COL1A1: variants seen among roughly 807,000 people sequenced by gnomAD.
COL1A1 encodes collagen alpha-1(I) chain.
In COL1A1, 21 loss-of-function variants were observed where a neutral mutation model predicts 195.7. The observed-to-expected ratio is 0.11, with a 90% CI of 0.08 to 0.15. The LOEUF is 0.15. COL1A1 is among the 10% of genes least tolerant of loss of function. The pLI, the probability that COL1A1 is intolerant of heterozygous loss-of-function variation, is 1.00. For missense variants in COL1A1, 1,365 were observed against 2,051.0 expected, an observed-to-expected ratio of 0.67 and a Z score of 6.46; for synonymous variants, 749 against 747.3, an observed-to-expected ratio of 1.00 and a Z score of -0.04.
At chr17:50,185,687 C>T (rs1394777439) in intron 50 of COL1A1, 39 bp from the exon 51 acceptor site, 6 of 1,612,152 alleles carry the variant, frequency 3.7e-6, no homozygotes, top group South Asian at 2.2e-5. Flanking sequence ...GGCATTACCA[C>T]GTGGGAGTGA....
In COL1A1 at chr17:50,201,629, T is replaced by C; in HGVS notation, c.-116A>G. On this transcript the variant is annotated 5_prime_UTR_variant, in exon 1 of 51. Transcript: ENST00000225964. The stretch of plus-strand genomic sequence containing the variant: ...CCGACCCCGAGGAGAAACTCCCGTC[T>C]GCTCCGACGACTGGCCCGGGCCCCT... The C allele has an allele frequency of 1.1e-6, 1 of 875,464 alleles. No individual in the cohort carries two copies. Among genetic ancestry groups the C allele is most frequent in the Non-Finnish European group, 1.7e-6 (1 of 579,930 alleles). 54.2% of individuals were successfully genotyped at this position (875,464 alleles called of 1,614,324 possible). A position where few individuals can be genotyped will look rare whatever the true frequency, so the allele number is the denominator to read the frequency against.
At position 50,185,479 on chromosome 17, in the gene COL1A1, A is replaced by G. The variant is rs1906410280; in HGVS notation, c.*23T>C. On this transcript the variant is annotated 3_prime_UTR_variant, in exon 51 of 51. Coordinates refer to ENST00000225964, the MANE Select transcript of COL1A1 (RefSeq NM_000088.4). ...GGGGAAAGTTGGTTGGGTGGGAGGGAGCCAGGTTGGGATGGAGGGAGTTTA... is the reference window on the plus strand; with the variant it reads ...GGGGAAAGTTGGTTGGGTGGGAGGGGGCCAGGTTGGGATGGAGGGAGTTTA... 6.2e-7 allele frequency: 1 copy of G among 1,612,734 alleles called. No homozygotes were observed. Among genetic ancestry groups the G allele is most frequent in the African/African-American group, 1.3e-5 (1 of 74,490 alleles).
intron 9 of COL1A1, 151 bp from the exon 10 acceptor site, chr17:50,197,384 A>G (rs914512815): frequency 8.8e-6 from 7 of 794,270 alleles, no homozygotes; most frequent in African/African-American, 5.2e-5. Context: ...CTCAGTTTAA[A>G]TCTACAGTGA....
At chr17:50,196,287 A>T in intron 14 of COL1A1, 27 bp downstream of exon 14, 2 of 1,608,572 alleles carry the variant, frequency 1.2e-6, no homozygotes, top group African/African-American at 1.3e-5. Flanking sequence ...GAGCTCAGGG[A>T]TCCCCCAAGG....
intron 27 of COL1A1, 48 bp from the exon 28 acceptor site, chr17:50,192,741 G>A (rs1420277621): frequency 6.2e-7 from 1 of 1,613,864 alleles, no homozygotes; most frequent in Admixed American, 1.7e-5. Context: ...GGAGACGAGG[G>A]GCTGAGGGTG....
In COL1A1 at chr17:50,190,398, A is replaced by T; in HGVS notation, c.2398-18T>A. The T allele has an allele frequency of 1.2e-6, 2 of 1,609,924 alleles. No homozygotes were observed. Among genetic ancestry groups the T allele is most frequent in the South Asian group, 2.2e-5 (2 of 90,986 alleles). On this transcript the variant is annotated intron_variant, in intron 34 of 50. Transcript: ENST00000225964. The surrounding 1 kb of genome is among the most constrained non-coding windows in gnomAD (Gnocchi z 4.7). ...CGGTCTCCCTAGAAGAAAAGGAGTC[A>T]GATTGGAGAGATGCGCTGACAGGAG...
intron 25 of COL1A1, 136 bp downstream of exon 25, chr17:50,193,807 G>A (rs1907315279): frequency 6.3e-6 from 5 of 798,132 alleles, no homozygotes; most frequent in Non-Finnish European, 2.2e-6. Flanking sequence ...TACAGATAGG[G>A]AGGCTGAGGT....
chr17:50,190,713 A>C lies in COL1A1; in HGVS notation c.2343+104T>G. 3 of 1,484,936 alleles carry C rather than the reference A, an allele frequency of 2.0e-6. No homozygotes were observed. Among genetic ancestry groups the C allele is most frequent in the Non-Finnish European group, 2.8e-6 (3 of 1,067,752 alleles). 92.0% of individuals were successfully genotyped at this position (1,484,936 alleles called of 1,614,324 possible). A position where few individuals can be genotyped will look rare whatever the true frequency, so the allele number is the denominator to read the frequency against. On this transcript the variant is annotated intron_variant, in intron 33 of 50. Transcript: ENST00000225964. The surrounding 1 kb of genome is among the most constrained non-coding windows in gnomAD (Gnocchi z 4.7). The stretch of plus-strand genomic sequence containing the variant: ...CTCCAGGTTCCCAGGTTGACAGCTC[A>C]GTTTGGCAGGACCTGCTCTCCCAAC...
Position 50,198,210 on chromosome 17 carries a change from A to G in COL1A1, c.544-5T>C, listed in dbSNP as rs1598300378. On this transcript the variant is annotated splice_polypyrimidine_tract_variant and splice_region_variant and intron_variant, in intron 6 of 50. Transcript: ENST00000225964. ...ACCACGAGGACCAGAGGGACCCTATAGAGGGAGAAGAAAGGGGGGTCATGG... is the reference window on the plus strand; with the variant it reads ...ACCACGAGGACCAGAGGGACCCTATGGAGGGAGAAGAAAGGGGGGTCATGG... The G allele has an allele frequency of 1.2e-6, 2 of 1,614,002 alleles. No individual in the cohort carries two copies. Among genetic ancestry groups the G allele is most frequent in the Non-Finnish European group, 1.7e-6 (2 of 1,179,948 alleles).
At position 50,197,344 on chromosome 17, in the gene COL1A1, G is replaced by A. The variant is rs1907686225; in HGVS notation, c.697-111C>T. The A allele has an allele frequency of 1.3e-5, 14 of 1,097,088 alleles. No individual in the cohort carries two copies. The Admixed American group carries it at 2.0e-4, about 16-fold the overall frequency. The allele number at this position is 1,097,088 out of a possible 1,614,324, so 68.0% of individuals were successfully genotyped here. A position where few individuals can be genotyped will look rare whatever the true frequency, so the allele number is the denominator to read the frequency against. The stretch of plus-strand genomic sequence containing the variant: ...TTGGATTGTTGCAGGTCAGGTTTGG[G>A]GGCCCAGAATCTTATCTTTGAATCT... On this transcript the variant is annotated intron_variant, in intron 9 of 50. Transcript: ENST00000225964.
Position 50,195,277 on chromosome 17 carries a change from A to G in COL1A1, c.1254T>C (p.Ser418=), listed in dbSNP as rs1390241079. 1 of 1,613,444 alleles carries G rather than the reference A, an allele frequency of 6.2e-7. No homozygotes were observed. The highest frequency in any genetic ancestry group is 8.5e-7 in the Non-Finnish European group (1 of 1,179,766). ...GAGGGCCGCCGGGGCCCTGGGGTCC[A>G]GAGGGGCCTCGGGCACCAGGGAAGC... The part of the protein sequence containing the change: ...APGFPGARGP[S]GPQGPGGPPG... Residue 418 remains serine, a synonymous_variant, in exon 19 of 51, where the codon TCT becomes TCC. Coordinates refer to ENST00000225964, the MANE Select transcript of COL1A1 (RefSeq NM_000088.4). The surrounding 1 kb of genome is among the most constrained non-coding windows in gnomAD (Gnocchi z 4.3).
rs746453576 is a variant in COL1A1, at chr17:50,189,410, G to T, written c.2796C>A (p.Gly932=). 1 of 1,613,138 alleles carries T rather than the reference G, an allele frequency of 6.2e-7. No homozygotes were observed. The highest frequency in any genetic ancestry group is 1.7e-5 in the Admixed American group (1 of 59,966). Residue 932 remains glycine (G), a synonymous_variant, in exon 39 of 51, where the codon GGC becomes GGA. Coordinates refer to ENST00000225964, the MANE Select transcript of COL1A1 (RefSeq NM_000088.4). This position sits in a 1 kb window ranked among gnomAD's most constrained non-coding sequence, Gnocchi z 5.5. The part of the protein sequence containing the change: ...VGPPGPPGPA[G]EKGSPGADGP... ...CATCAGCACCAGGGGATCCTTTCTC[G>T]CCAGCAGGGCCAGGGGGACCAGGGG... is the stretch of plus-strand genomic sequence containing the variant.
chr17:50,185,413 G>C lies in COL1A1; in HGVS notation c.*89C>G. On this transcript the variant is annotated 3_prime_UTR_variant, in exon 51 of 51. Coordinates refer to ENST00000225964, the MANE Select transcript of COL1A1 (RefSeq NM_000088.4). Reference sequence around the variant, plus strand: ...AATTGTCTCCCATTTTTTGGCTTTTGAGGGGGTTCAGTTTGGGTTGCTTGT... The same window carrying C: ...AATTGTCTCCCATTTTTTGGCTTTTCAGGGGGTTCAGTTTGGGTTGCTTGT... The C allele has an allele frequency of 6.7e-7, 1 of 1,503,694 alleles. No individual in the cohort carries two copies. Among genetic ancestry groups the C allele is most frequent in the Non-Finnish European group, 9.2e-7 (1 of 1,084,568 alleles). 93.1% of individuals were successfully genotyped at this position (1,503,694 alleles called of 1,614,324 possible).
rs997266695 is a variant in COL1A1 at position 50,194,323 on chromosome 17, G to A, written c.1614+26C>T. 7.4e-6 allele frequency: 12 copies of A among 1,613,122 alleles called. No homozygotes were observed. The highest frequency in any genetic ancestry group is 5.0e-5 in the Admixed American group (3 of 60,022). ...CACGGGATGGTCAGGGCCTGGCCAA[G>A]CCAGGCTGAAAGCCTGGGGCCTCAC... On this transcript the variant is annotated intron_variant, in intron 23 of 50. Transcript: ENST00000225964. The surrounding 1 kb of genome is among the most constrained non-coding windows in gnomAD (Gnocchi z 6.8).
In COL1A1 at chr17:50,191,855, A is replaced by G. The variant is rs1175023228; in HGVS notation, c.2060T>C (p.Val687Ala). Residue 687 changes from valine (V) to alanine (A), a missense_variant, in exon 31 of 51, where the codon GTG (valine) becomes GCG (alanine). Physicochemically the swap from Val to Ala is moderately conservative, Grantham distance 64 (BLOSUM62 0). Coordinates refer to ENST00000225964, the MANE Select transcript of COL1A1 (RefSeq NM_000088.4). The part of the protein sequence containing the change: ...GERGFPGERG[V>A]QGPPGPAGPR... Reference sequence around the variant, plus strand: ...ACCAGCAGGACCAGGGGGACCTTGCACACCACGCTCGCCAGGGAAACCTCT... The same window carrying G: ...ACCAGCAGGACCAGGGGGACCTTGCGCACCACGCTCGCCAGGGAAACCTCT... The G allele has an allele frequency of 6.2e-7, 1 of 1,603,458 alleles. No individual in the cohort carries two copies. Among genetic ancestry groups the G allele is most frequent in the Non-Finnish European group, 8.5e-7 (1 of 1,174,628 alleles).
chr17:50,185,749 G>A, intron 50 of COL1A1, 29 bp downstream of exon 50: 1 of 1,612,630 alleles, frequency 6.2e-7, no homozygotes, highest in South Asian at 1.1e-5. Context: ...GGAGAGGTGG[G>A]GCCCTGCCTG....
chr17:50,197,360 C>G (rs955906455), intron 9 of COL1A1, 127 bp from the exon 10 acceptor site: 2 of 918,182 alleles, frequency 2.2e-6, no homozygotes, highest in African/African-American at 3.3e-5. Context: ...AGAATCTTAT[C>G]TTTGAATCTA....
rs1443136874 is a variant in COL1A1, at chr17:50,186,030, AG to A, written c.4006-11del. The A allele has an allele frequency of 1.2e-6, 2 of 1,611,606 alleles. No homozygotes were observed. The highest frequency in any genetic ancestry group is 2.2e-5 in the South Asian group (2 of 91,038). ...GGCCGCCATACTCGAACTGCAGGGG[AG>A]GGGAGAGAGGGAAGAGTGAGCCGCT... is the stretch of plus-strand genomic sequence containing the variant. On this transcript the variant is annotated splice_polypyrimidine_tract_variant and intron_variant, in intron 49 of 50. Transcript: ENST00000225964. This position sits in a 1 kb window ranked among gnomAD's most constrained non-coding sequence, Gnocchi z 5.3.
In COL1A1 at chr17:50,189,563, C is replaced by T; in HGVS notation, c.2668-25G>A. 2.5e-6 allele frequency: 4 copies of T among 1,613,032 alleles called. No individual in the cohort carries two copies. Among genetic ancestry groups the T allele is most frequent in the Non-Finnish European group, 3.4e-6 (4 of 1,179,726 alleles). On this transcript the variant is annotated intron_variant, in intron 38 of 50. Transcript: ENST00000225964. This position sits in a 1 kb window ranked among gnomAD's most constrained non-coding sequence, Gnocchi z 5.5. The stretch of plus-strand genomic sequence containing the variant: ...CCTGGATGAGGATAGGAGGGGCTGT[C>T]AGACTCCAGGGGGCTCTGGTGCATC...
Sources: gnomAD v4.1 joint callset for allele counts on GRCh38, gnomAD v4.1.1 for gene constraint, Gnocchi (gnomAD v3.1) non-coding constraint, MANE v1.5 for transcripts, NCBI Gene and HGNC (gene_info 2026-07-23, HGNC 2026-07-21) for gene names.